Variants in MGST1 observed in about 807,000 individuals in gnomAD.
MGST1 encodes the protein microsomal glutathione S-transferase 1.
MGST1 carries 5 observed loss-of-function variants against 8.9 expected under a neutral mutation model. The observed-to-expected ratio is 0.56, with a 90% CI of 0.29 to 1.19. The LOEUF (loss-of-function observed/expected upper bound fraction) is 1.19. Ranked by LOEUF, MGST1 falls within the 50% of genes most tolerant of loss-of-function variation. MGST1 has a pLI of 0.08. For synonymous variants in MGST1, 54 were observed against 67.8 expected (o/e 0.80, Z 1.00); for missense variants, 182 against 187.4 (o/e 0.97, Z 0.17).
At chr12:16,384,740 C>A (rs1940489968) in intron 1 of MGST1, among the ~76,000 whole-genome samples, 1 of 152,248 alleles carries the variant, frequency 6.6e-6, no homozygotes, top group Non-Finnish European at 1.5e-5. Flanking sequence ...ATAGGGGATG[C>A]CCAAAAGCAT....
chr12:16,493,129 A>C (rs1941449940), intron 4 of MGST1, among the ~76,000 whole-genome samples: 2 of 152,168 alleles, frequency 1.3e-5, no homozygotes, highest in Non-Finnish European at 2.9e-5. Flanking sequence ...GAAAAACATG[A>C]TTATGGTTGT....
At chr12:16,564,542 A>G (rs1942523310) in intron 4 of MGST1, among the ~76,000 whole-genome samples, 1 of 152,206 alleles carries the variant, frequency 6.6e-6, no homozygotes, top group South Asian at 2.1e-4. Flanking sequence ...GGGGAAAATG[A>G]GTGTTCATTG....
At chr12:16,553,826 G>C (rs1000149954) in intron 4 of MGST1, among the ~76,000 whole-genome samples, 4 of 150,690 alleles carry the variant, frequency 2.7e-5, no homozygotes, top group Admixed American at 2.6e-4. Context: ...CTAATTTCCA[G>C]TGTGATTTAA....
chr12:16,582,357 C>A lies in MGST1; in HGVS notation n.483-7171C>A, dbSNP rs1205796072. On this transcript the variant is annotated intron_variant and non_coding_transcript_variant, in intron 4 of 4. Coordinates refer to the MGST1 transcript ENST00000538857. The surrounding 1 kb of genome is among the most constrained non-coding windows in gnomAD (Gnocchi z 4.1). ...TTCCTATAGTATTATTCATTTTAGA[C>A]AGTGACAGACTATTTGCTAATATCT... Among the ~76,000 whole-genome samples the A allele has an allele frequency of 6.6e-6, 1 of 152,144 alleles. No individual in the cohort carries two copies. The highest frequency in any genetic ancestry group is 2.4e-5 in the African/African-American group (1 of 41,420).
At chr12:16,561,994 T>C (rs1942423690) in intron 4 of MGST1, among the ~76,000 whole-genome samples, 1 of 152,218 alleles carries the variant, frequency 6.6e-6, no homozygotes, top group South Asian at 2.1e-4. Flanking sequence ...AAAAATACTT[T>C]AGTATGCTTA....
rs1258155996 is a variant in MGST1 at position 16,503,134 on chromosome 12, A to G, written n.483-86394A>G. Among the ~76,000 whole-genome samples, 1 of 152,190 alleles carries G rather than the reference A, an allele frequency of 6.6e-6. No individual in the cohort carries two copies. Among genetic ancestry groups the G allele is most frequent in the Non-Finnish European group, 1.5e-5 (1 of 68,042 alleles). ...AGAAGGAAAGGAAAGAAGTTAAAAT[A>G]GAAGTTTTTATGGGATGTGGTTTAT... On this transcript the variant is annotated intron_variant and non_coding_transcript_variant, in intron 4 of 4. Transcript: ENST00000538857. This position sits in a 1 kb window ranked among gnomAD's most constrained non-coding sequence, Gnocchi z 4.8.
intron 4 of MGST1, among the ~76,000 whole-genome samples, chr12:16,541,142 A>G (rs1180390820): frequency 6.6e-6 from 1 of 152,222 alleles, no homozygotes; most frequent in African/African-American, 2.4e-5. Flanking sequence ...TAAAAAGTCT[A>G]TTTGTATACC....
At chr12:16,367,135 C>T (rs1940206795), downstream of MGST1, among the ~76,000 whole-genome samples, 1 of 152,086 alleles carries the variant, frequency 6.6e-6, no homozygotes, top group South Asian at 2.1e-4. Context: ...TCTAAAAATT[C>T]TATTTACTCT....
At chr12:16,481,102 A>C (rs1034687329) in intron 4 of MGST1, among the ~76,000 whole-genome samples, 2 of 152,228 alleles carry the variant, frequency 1.3e-5, no homozygotes, top group African/African-American at 4.8e-5. Flanking sequence ...CTATCCTGAA[A>C]AAAAGAGACA....
At chr12:16,408,030 C>CAAAAAAAAAAAAAAAAAAAAAAAAAA (rs200073692) in intron 1 of MGST1, among the ~76,000 whole-genome samples, 3 of 44,098 alleles carry the variant, frequency 6.8e-5, no homozygotes, top group Non-Finnish European at 6.7e-5. Context: ...GACTCTGTCT[C>CAAAAAAAAAAAAAAAAAAAAAAAAAA]AAAAAAAAAA....
intron 3 of MGST1, among the ~76,000 whole-genome samples, chr12:16,358,892 C>A (rs1369850926): frequency 1.4e-5 from 2 of 139,166 alleles, no homozygotes; most frequent in Admixed American, 1.6e-4. Context: ...TTGCATTAGC[C>A]CTTTTTTGAT....
rs1000344432 is a variant in MGST1, at chr12:16,410,350, C to T, written n.778+26746C>T. Among the ~76,000 whole-genome samples the T allele has an allele frequency of 1.3e-5, 2 of 152,030 alleles. No individual in the cohort carries two copies. Among genetic ancestry groups the T allele is most frequent in the African/African-American group, 2.4e-5 (1 of 41,394 alleles). On this transcript the variant is annotated intron_variant and non_coding_transcript_variant, in intron 1 of 1. Coordinates refer to the MGST1 transcript ENST00000359720. The surrounding 1 kb of genome is among the most constrained non-coding windows in gnomAD (Gnocchi z 4.4). ...ACCTCCTAAGCATCTCTGAAATACACTTAACTCTTCCTGTTTCTTCTTCCA... is the reference window on the plus strand; with the variant it reads ...ACCTCCTAAGCATCTCTGAAATACATTTAACTCTTCCTGTTTCTTCTTCCA...
At chr12:16,581,397 G>A (rs781370551) in intron 4 of MGST1, among the ~76,000 whole-genome samples, 2 of 152,146 alleles carry the variant, frequency 1.3e-5, no homozygotes, top group Non-Finnish European at 2.9e-5. Flanking sequence ...CCAAGGGCTA[G>A]AGGAGATTAC....
intron 4 of MGST1, among the ~76,000 whole-genome samples, chr12:16,528,961 A>G (rs898228813): frequency 2.6e-5 from 4 of 152,024 alleles, no homozygotes; most frequent in African/African-American, 9.7e-5. Context: ...CTTTGTTAGA[A>G]GATGAAAGTC....
intron 4 of MGST1, chr12:16,549,600 C>T (rs1941911888): frequency 6.6e-6 from 1 of 152,390 alleles, no homozygotes; most frequent in South Asian, 2.1e-4. Flanking sequence ...GCAAATAACA[C>T]TGGAAAATAT....
In MGST1 at chr12:16,424,579, T is replaced by C. The variant is rs557490098; in HGVS notation, n.779-12809T>C. Among the ~76,000 whole-genome samples the C allele has an allele frequency of 3.3e-5, 5 of 152,322 alleles. 1 individual carries two copies. In the South Asian group the frequency reaches 1.0e-3, roughly 32 times the overall value. ...CTGTTACTTCTCCCTACTCACTTTCTGGCAGAATGGCTTCCACCATAAGCA... is the reference window on the plus strand; with the variant it reads ...CTGTTACTTCTCCCTACTCACTTTCCGGCAGAATGGCTTCCACCATAAGCA... On this transcript the variant is annotated intron_variant and non_coding_transcript_variant, in intron 1 of 1. Coordinates refer to the MGST1 transcript ENST00000359720.
At chr12:16,481,978 TA>T (rs1265089789) in intron 4 of MGST1, among the ~76,000 whole-genome samples, 2 of 152,074 alleles carry the variant, frequency 1.3e-5, no homozygotes, top group Non-Finnish European at 2.9e-5. Context: ...AAAGAGAGCT[TA>T]AAAAAGACTG....
At chr12:16,432,656 G>C (rs559297439) in intron 1 of MGST1, among the ~76,000 whole-genome samples, 3 of 144,674 alleles carry the variant, frequency 2.1e-5, no homozygotes, top group Admixed American at 7.1e-5. Context: ...GTCCTCACTC[G>C]CAAATCTCTC....
rs189493601 is a variant in MGST1 at position 16,398,231 on chromosome 12, T to C, written n.778+14627T>C. On this transcript the variant is annotated intron_variant and non_coding_transcript_variant, in intron 1 of 1. Coordinates refer to the MGST1 transcript ENST00000359720. ...CCACTTCTCTTAAAGTCACAGAGCA[T>C]GGAAGGAACTGCAGTGGGACAGGTG... Among the ~76,000 whole-genome samples the C allele has an allele frequency of 5.3e-5, 8 of 152,202 alleles. No homozygotes were observed. The East Asian group carries it at 1.4e-3, about 26-fold the overall frequency.
Sources: allele counts gnomAD v4.1 joint callset (sites outside exome capture counted in the v4.1 genomes callset), GRCh38; gene constraint gnomAD v4.1.1; non-coding constraint Gnocchi (gnomAD v3.1); transcripts MANE v1.5; gene names NCBI Gene and HGNC (gene_info 2026-07-23, HGNC 2026-07-21).